The following TMEM62 variants were observed in gnomAD, a reference collection of about 807,000 sequenced individuals.
TMEM62 encodes the protein transmembrane protein 62.
A neutral mutation model predicts 70.4 loss-of-function variants in TMEM62; 41 were observed. That is an observed-to-expected ratio of 0.58 (90% CI 0.45 to 0.76). The LOEUF (loss-of-function observed/expected upper bound fraction) is 0.76. Among genes scored for constraint, TMEM62 ranks in the 30% least tolerant of loss-of-function variants. The pLI is 0.00. For missense variants in TMEM62, 688 were observed against 788.5 expected (o/e 0.87, Z 1.53); for synonymous variants, 268 against 291.0 (o/e 0.92, Z 0.80).
At chr15:43,138,053 G>C (rs1406394831) in intron 3 of TMEM62, among the ~76,000 whole-genome samples, 1 of 152,212 alleles carries the variant, frequency 6.6e-6, no homozygotes, top group Non-Finnish European at 1.5e-5. Flanking sequence ...CTGCAGCCCT[G>C]AAGGCCCCTG....
chr15:43,159,973 C>A (rs990609199), intron 9 of TMEM62, among the ~76,000 whole-genome samples: 11 of 151,866 alleles, frequency 7.2e-5, no homozygotes, highest in African/African-American at 2.4e-4. Flanking sequence ...GTTTTAATCT[C>A]TTTTTTTGTT....
intron 10 of TMEM62, among the ~76,000 whole-genome samples, chr15:43,162,958 C>G (rs1176128272): frequency 6.6e-6 from 1 of 151,288 alleles, no homozygotes; most frequent in African/African-American, 2.4e-5. Context: ...TTATTTATAA[C>G]CATCATTTTT....
chr15:43,139,249 A>T (rs1361648500), intron 4 of TMEM62, among the ~76,000 whole-genome samples: 1 of 152,212 alleles, frequency 6.6e-6, no homozygotes, highest in Non-Finnish European at 1.5e-5. Flanking sequence ...TGCCCATATA[A>T]GTCCAGGAAC....
intron 7 of TMEM62, among the ~76,000 whole-genome samples, chr15:43,151,170 A>C (rs546983460): frequency 1.4e-3 from 210 of 152,142 alleles, no homozygotes; most frequent in African/African-American, 4.9e-3. Flanking sequence ...ACATGGTGAA[A>C]CCCTATCTCT....
At chr15:43,163,414 G>A (rs1208830727) in intron 10 of TMEM62, among the ~76,000 whole-genome samples, 2 of 151,558 alleles carry the variant, frequency 1.3e-5, no homozygotes, top group Non-Finnish European at 2.9e-5. Context: ...TTTTTCTTTT[G>A]TGGATTTTTA....
intron 3 of TMEM62, among the ~76,000 whole-genome samples, chr15:43,137,271 C>T (rs1266777499): frequency 6.6e-6 from 1 of 152,168 alleles, no homozygotes; most frequent in African/African-American, 2.4e-5. Context: ...GGCATGAATC[C>T]ACTTCTTGCT....
chr15:43,144,005 A>T (rs1185584401), intron 4 of TMEM62, among the ~76,000 whole-genome samples: 1 of 152,246 alleles, frequency 6.6e-6, no homozygotes, highest in Non-Finnish European at 1.5e-5. Context: ...TTTAGGAAAC[A>T]ATTAGAAAAT....
At position 43,162,433 on chromosome 15, in the gene TMEM62, C is replaced by CTTTTTTTTTTTTTTTTTTTTTTTTTT. The variant is rs1169921008; in HGVS notation, c.1296+1652_1296+1653insTTTTTTTTTTTTTTTTTTTTTTTTTT. Among the ~76,000 whole-genome samples the CTTTTTTTTTTTTTTTTTTTTTTTTTT allele has an allele frequency of 7.3e-5, 10 of 137,030 alleles. 1 individual carries two copies. Among genetic ancestry groups the CTTTTTTTTTTTTTTTTTTTTTTTTTT allele is most frequent in the African/African-American group, 3.1e-4 (10 of 32,570 alleles). The allele number at this position is 137,030 out of a possible 152,430, so 89.9% of individuals were successfully genotyped here. A position where few individuals can be genotyped will look rare whatever the true frequency, so the allele number is the denominator to read the frequency against. ...CAGGCGTGAGCCACTGCCCCTGGCC[C>CTTTTTTTTTTTTTTTTTTTTTTTTTT]TTTTTTTTTTTTTGTTGAGCTGGAG... On this transcript the variant is annotated intron_variant, in intron 10 of 13. Transcript: ENST00000260403.
intron 13 of TMEM62, among the ~76,000 whole-genome samples, chr15:43,181,875 T>C (rs2041364354): frequency 1.3e-5 from 2 of 152,226 alleles, no homozygotes; most frequent in South Asian, 4.1e-4. Context: ...CACTGTGCTT[T>C]TTCATTGACA....
At chr15:43,152,858 A>G (rs1383398642) in intron 8 of TMEM62, among the ~76,000 whole-genome samples, 6 of 152,194 alleles carry the variant, frequency 3.9e-5, no homozygotes, top group Non-Finnish European at 8.8e-5. Context: ...AAATAGGGTA[A>G]TGGGATTTTA....
At position 43,133,829 on chromosome 15, in the gene TMEM62, G is replaced by C; in HGVS notation, c.27G>C (p.Val9=). 6.9e-7 allele frequency: 1 copy of C among 1,452,768 alleles called. No individual in the cohort carries two copies. Among genetic ancestry groups the C allele is most frequent in the Non-Finnish European group, 9.0e-7 (1 of 1,109,664 alleles). The allele number at this position is 1,452,768 out of a possible 1,614,324, so 90.0% of individuals were successfully genotyped here. The part of the protein sequence containing the change: MAAVLALR[V]VAGLAAAALV... ...TGGCTGCAGTGCTGGCTCTCAGGGT[G>C]GTCGCGGGGTTGGCGGCCGCAGCGC... is the stretch of plus-strand genomic sequence containing the variant. Residue 9 remains valine, a synonymous_variant, in exon 1 of 14, where the codon GTG becomes GTC. Coordinates refer to ENST00000260403, the MANE Select transcript of TMEM62 (RefSeq NM_024956.4).
Position 43,138,554 on chromosome 15 carries a change from T to A in TMEM62, c.431-20T>A. 6.7e-7 allele frequency: 1 copy of A among 1,491,450 alleles called. No individual in the cohort carries two copies. Among genetic ancestry groups the A allele is most frequent in the Non-Finnish European group, 9.1e-7 (1 of 1,094,592 alleles). The allele number at this position is 1,491,450 out of a possible 1,614,324, so 92.4% of individuals were successfully genotyped here. ...TTTTAATGTGGATGAATGTTTGCTT[T>A]TTTTTTTTTTTTAAATTAGATGCAT... On this transcript the variant is annotated intron_variant, in intron 3 of 13. Transcript: ENST00000260403.
intron 12 of TMEM62, among the ~76,000 whole-genome samples, chr15:43,179,642 C>T (rs762716282): frequency 1.3e-4 from 20 of 152,218 alleles, no homozygotes; most frequent in Non-Finnish European, 2.2e-4. Context: ...AAGCAGAAAT[C>T]ACCATAAATC....
At chr15:43,173,855 C>CTTTTTT (rs751203696) in intron 11 of TMEM62, among the ~76,000 whole-genome samples, 1 of 107,388 alleles carries the variant, frequency 9.3e-6, no homozygotes, top group Non-Finnish European at 1.9e-5. Context: ...AATGCAGGAA[C>CTTTTTT]TTTTTTTTTT....
In TMEM62 at chr15:43,181,328, C is replaced by T. The variant is rs921641265; in HGVS notation, c.1605+29C>T. 5 of 1,422,908 alleles carry T rather than the reference C, an allele frequency of 3.5e-6. No homozygotes were observed. The Admixed American group carries it at 6.7e-5, about 19-fold the overall frequency. The allele number at this position is 1,422,908 out of a possible 1,614,324, so 88.1% of individuals were successfully genotyped here. A position where few individuals can be genotyped will look rare whatever the true frequency, so the allele number is the denominator to read the frequency against. On this transcript the variant is annotated intron_variant, in intron 13 of 13. Coordinates refer to ENST00000260403, the MANE Select transcript of TMEM62 (RefSeq NM_024956.4). ...AGAAGTCAGAAAAGCAATTTAAGAA[C>T]ATCTTGGACTTGTCAGACTAATTGC...
At chr15:43,175,660 A>G (rs1054740287) in intron 11 of TMEM62, among the ~76,000 whole-genome samples, 1 of 152,250 alleles carries the variant, frequency 6.6e-6, no homozygotes, top group Non-Finnish European at 1.5e-5. Context: ...GTAAGAGGTT[A>G]GCTGTGCGTT....
rs146812548 is a variant in TMEM62 at position 43,134,811 on chromosome 15, C to A, written c.292+443C>A. Among the ~76,000 whole-genome samples the A allele has an allele frequency of 7.2e-3, 1,100 of 152,302 alleles. 4 individuals are homozygous for A. Among genetic ancestry groups the A allele is most frequent in the Non-Finnish European group, 0.011 (737 of 68,018 alleles). On this transcript the variant is annotated intron_variant, in intron 2 of 13. Coordinates refer to ENST00000260403, the MANE Select transcript of TMEM62 (RefSeq NM_024956.4). Reference sequence around the variant, plus strand: ...TTGAGGCTTCCGGTGACCCAGGGCACTTTTTCTTCATCCTTTGATAGTTTT... The same window carrying A: ...TTGAGGCTTCCGGTGACCCAGGGCAATTTTTCTTCATCCTTTGATAGTTTT...
chr15:43,177,135 G>GA (rs562444745), intron 11 of TMEM62, among the ~76,000 whole-genome samples: 1,676 of 152,012 alleles, frequency 0.011, 58 homozygotes, highest in African/African-American at 0.039. Flanking sequence ...GAAGTTTAGA[G>GA]AAAAAAGAAT....
At chr15:43,148,921 T>C in intron 6 of TMEM62, 42 bp downstream of exon 6, 1 of 1,603,012 alleles carries the variant, frequency 6.2e-7, no homozygotes, top group South Asian at 1.1e-5. Context: ...TGTTTTTAGT[T>C]TTTTTATTTT....
Sources: gnomAD v4.1 joint callset for allele counts (sites outside exome capture counted in the v4.1 genomes callset) on GRCh38, gnomAD v4.1.1 for gene constraint, MANE v1.5 for transcripts, NCBI Gene and HGNC (gene_info 2026-07-23, HGNC 2026-07-21) for gene names.